ZNF493: variants seen among roughly 807,000 people sequenced by gnomAD.
ZNF493 encodes the protein zinc finger protein 493.
Under a neutral mutation model 12.2 loss-of-function variants are expected in ZNF493, and 11 were observed. The observed-to-expected ratio is 0.90, with a 90% confidence interval of 0.57 to 1.50. ZNF493 has a LOEUF of 1.50. Ranked by LOEUF, ZNF493 falls within the 40% of genes most tolerant of loss-of-function variation. The probability of loss-of-function intolerance (pLI) is 0.00; values close to 1 mark genes in which losing one functional copy is unlikely to be tolerated. For missense variants in ZNF493, 950 were observed against 906.6 expected (o/e 1.05, Z -0.61); for synonymous variants, 286 against 302.6 (o/e 0.95, Z 0.57).
intron 3 of ZNF493, among the ~76,000 whole-genome samples, chr19:21,414,813 A>G (rs1310462295): frequency 6.6e-6 from 1 of 152,226 alleles, no homozygotes; most frequent in African/African-American, 2.4e-5. Flanking sequence ...CTGTAAAAAC[A>G]TACTCAGCAC....
In ZNF493 at chr19:21,425,019, C is replaced by A. The variant is rs756835887; in HGVS notation, c.*35C>A. On this transcript the variant is annotated 3_prime_UTR_variant, in exon 4 of 4. Transcript: ENST00000392288. ...CAAAGGCCTTTACTGCTCCTATTCC[C>A]TTACTAAAGAATGTGGCAAAGCTTT... 5.8e-6 allele frequency: 9 copies of A among 1,560,530 alleles called. No homozygotes were observed. The highest frequency in any genetic ancestry group is 7.8e-6 in the Non-Finnish European group (9 of 1,155,850).
At chr19:21,413,361 C>A in intron 3 of ZNF493, 1 of 405,594 alleles carries the variant, frequency 2.5e-6, no homozygotes, top group South Asian at 1.0e-4. Flanking sequence ...TATAATTGTT[C>A]TCTGTGTCAG....
At chr19:21,402,609 G>A (rs926268330) in intron 1 of ZNF493, among the ~76,000 whole-genome samples, 2 of 152,186 alleles carry the variant, frequency 1.3e-5, no homozygotes, top group African/African-American at 2.4e-5. Context: ...GACAGGGCCA[G>A]ACTTTCAATT....
At chr19:21,421,026 G>A (rs1261164440) in intron 3 of ZNF493, among the ~76,000 whole-genome samples, 2 of 152,028 alleles carry the variant, frequency 1.3e-5, no homozygotes, top group Non-Finnish European at 2.9e-5. Flanking sequence ...GGGATTACAG[G>A]CATGAGCTGC....
At chr19:21,403,368 A>G (rs748945061) in intron 1 of ZNF493, among the ~76,000 whole-genome samples, 1 of 152,218 alleles carries the variant, frequency 6.6e-6, no homozygotes, top group African/African-American at 2.4e-5. Flanking sequence ...TTTCATTACT[A>G]TAGCAGAAAT....
chr19:21,404,034 ATGT>A (rs1415872180), intron 1 of ZNF493, among the ~76,000 whole-genome samples: 5 of 152,166 alleles, frequency 3.3e-5, no homozygotes, highest in Non-Finnish European at 7.3e-5. Context: ...ATAACATGTA[ATGT>A]TGTGGTTTCA....
chr19:21,417,759 G>A (rs1020044485), intron 3 of ZNF493, among the ~76,000 whole-genome samples: 2 of 152,140 alleles, frequency 1.3e-5, no homozygotes, highest in African/African-American at 2.4e-5. Context: ...GGTATTGCGA[G>A]CAGCCTGAAT....
intron 3 of ZNF493, chr19:21,408,050 G>A: frequency 1.0e-6 from 1 of 984,300 alleles, no homozygotes; most frequent in Non-Finnish European, 1.2e-6. Flanking sequence ...AAGGCTGCTG[G>A]TTCTACATTA....
At chr19:21,405,459 G>A (rs79423723) in intron 2 of ZNF493, 10 of 1,393,622 alleles carry the variant, frequency 7.2e-6, no homozygotes, top group African/African-American at 5.8e-5. Flanking sequence ...TTTCTGAGCC[G>A]GTCTGTATCC....
intron 1 of ZNF493, among the ~76,000 whole-genome samples, chr19:21,399,935 CA>C (rs2029885971): frequency 6.6e-6 from 1 of 152,084 alleles, no homozygotes; most frequent in South Asian, 2.1e-4. Context: ...TATCTCTGTT[CA>C]AATCCTGTTA....
intron 3 of ZNF493, among the ~76,000 whole-genome samples, chr19:21,416,456 G>A (rs996392465): frequency 3.3e-5 from 5 of 152,146 alleles, no homozygotes; most frequent in Admixed American, 2.0e-4. Flanking sequence ...TAACTACTTC[G>A]ATATACTTCA....
Position 21,424,533 on chromosome 19 carries a change from G to T in ZNF493, c.1874G>T (p.Gly625Val). ...AGTATACATAAGAAAATTCATACTGGAGAAAAACCCTACAAATGTGAAGAA... is the reference window on the plus strand; with the variant it reads ...AGTATACATAAGAAAATTCATACTGTAGAAAAACCCTACAAATGTGAAGAA... ...ILSIHKKIHTGEKPYKCEECG... is the reference protein window; with the variant it reads ...ILSIHKKIHTVEKPYKCEECG... The change falls in exon 4 of 4, where the codon GGA becomes GTA. Residue 625 changes from glycine to valine, a missense_variant. Gly to Val is a moderately radical substitution (Grantham distance 109). Transcript: ENST00000392288. The T allele has an allele frequency of 6.2e-7, 1 of 1,612,200 alleles. No homozygotes were observed. Among genetic ancestry groups the T allele is most frequent in the Non-Finnish European group, 8.5e-7 (1 of 1,179,350 alleles).
intron 1 of ZNF493, 40 bp downstream of exon 1, chr19:21,397,307 A>C (rs1400659896): frequency 6.2e-7 from 1 of 1,613,760 alleles, no homozygotes; most frequent in African/African-American, 1.3e-5. Flanking sequence ...GAGGGGAAGG[A>C]GTTGCTCGGA....
In ZNF493 at chr19:21,405,273, A is replaced by G. The variant is rs780051883; in HGVS notation, c.157+18A>G. ...CTTCTTGGGTGAGAATAACTTTAAT[A>G]CAAAATCCCTTATATACCCTAAAGT... On this transcript the variant is annotated intron_variant, in intron 2 of 3. Coordinates refer to ENST00000392288, the MANE Select transcript of ZNF493 (RefSeq NM_001076678.3). 2 of 1,608,384 alleles carry G rather than the reference A, an allele frequency of 1.2e-6. No individual in the cohort carries two copies. The highest frequency in any genetic ancestry group is 1.7e-5 in the Admixed American group (1 of 58,082).
At position 21,424,727 on chromosome 19, in the gene ZNF493, T is replaced by C; in HGVS notation, c.2068T>C (p.Cys690Arg). The C allele has an allele frequency of 6.2e-7, 1 of 1,613,174 alleles. No individual in the cohort carries two copies. The highest frequency in any genetic ancestry group is 1.7e-4 in the Middle Eastern group (1 of 6,054). The change falls in exon 4 of 4, where the codon TGT becomes CGT. Residue 690 changes from cysteine (C) to arginine (R), a missense_variant. Coordinates refer to ENST00000392288, the MANE Select transcript of ZNF493 (RefSeq NM_001076678.3). ...AGAGAAACCCTACAAATGTGAAAAATGTGGCAAAACTTTCTACCGATTCTC... is the reference window on the plus strand; with the variant it reads ...AGAGAAACCCTACAAATGTGAAAAACGTGGCAAAACTTTCTACCGATTCTC... ...TEEKPYKCEK[C>R]GKTFYRFSNL...
intron 3 of ZNF493, among the ~76,000 whole-genome samples, chr19:21,419,715 A>G (rs1260623446): frequency 6.6e-6 from 1 of 152,164 alleles, no homozygotes; most frequent in African/African-American, 2.4e-5. Context: ...CAGGATCAAT[A>G]CTTTGCATCC....
At chr19:21,420,617 A>ATTG (rs1568382505) in intron 3 of ZNF493, among the ~76,000 whole-genome samples, 1 of 12,630 alleles carries the variant, frequency 7.9e-5, no homozygotes, top group Non-Finnish European at 1.3e-4. Flanking sequence ...ATATATATAT[A>ATTG]TATATATTTT....
intron 3 of ZNF493, among the ~76,000 whole-genome samples, 177 bp from the exon 4 acceptor site, chr19:21,422,736 T>C (rs1187861405): frequency 6.6e-6 from 1 of 152,116 alleles, no homozygotes; most frequent in African/African-American, 2.4e-5. Flanking sequence ...CATTTATAAT[T>C]TTTTCTCAGA....
At chr19:21,397,507 C>T (rs529001348) in intron 1 of ZNF493, 43 of 610,636 alleles carry the variant, frequency 7.0e-5, no homozygotes, top group Middle Eastern at 3.3e-4. Context: ...CTGGAGTCCT[C>T]TCTGGCAGTT....
Sources: gnomAD v4.1 joint callset for allele counts (sites outside exome capture counted in the v4.1 genomes callset) on GRCh38, gnomAD v4.1.1 for gene constraint, MANE v1.5 for transcripts, NCBI Gene and HGNC (gene_info 2026-07-23, HGNC 2026-07-21) for gene names.